The following IL1RAPL2 variants were observed in gnomAD, a reference collection of about 807,000 sequenced individuals.
The protein encoded by IL1RAPL2 is X-linked interleukin-1 receptor accessory protein-like 2.
Under a neutral mutation model 44.1 loss-of-function variants are expected in IL1RAPL2, and 3 were observed. That is an observed-to-expected ratio of 0.07 (90% confidence interval 0.03 to 0.18). The LOEUF is 0.18. Among genes scored for constraint, IL1RAPL2 ranks in the 10% least tolerant of loss-of-function variants. IL1RAPL2 has a pLI of 1.00. For synonymous variants in IL1RAPL2, 181 were observed against 178.8 expected, an observed-to-expected ratio of 1.01 and a Z score of -0.10; for missense variants, 391 against 496.4, an observed-to-expected ratio of 0.79 and a Z score of 2.02.
At chrX:105,393,179 C>CTAGGGAATGGGTGCTGCTGATTGG (rs1375868123) in intron 5 of IL1RAPL2, among the ~76,000 whole-genome samples, 1 of 110,310 alleles carries the variant, frequency 9.1e-6, no homozygotes, top group Admixed American at 9.7e-5. Flanking sequence ...GGGCAGGGAG[C>CTAGGGAATGGGTGCTGCTGATTGG]TAGGGAATGG....
chrX:104,834,689 G>A (rs1414702825), intron 2 of IL1RAPL2, among the ~76,000 whole-genome samples: 1 of 111,693 alleles, frequency 9.0e-6, no homozygotes, highest in African/African-American at 3.2e-5. Flanking sequence ...ATTGATTATT[G>A]ATTTCCATTT....
chrX:104,950,321 C>T (rs890636196), intron 2 of IL1RAPL2, among the ~76,000 whole-genome samples: 3 of 112,329 alleles, frequency 2.7e-5, no homozygotes, highest in Non-Finnish European at 3.8e-5. Context: ...GCAGTCTGCC[C>T]GTTCTCAGAT....
intron 2 of IL1RAPL2, among the ~76,000 whole-genome samples, chrX:105,030,015 T>C (rs2031457129): frequency 8.9e-6 from 1 of 112,373 alleles, no homozygotes; most frequent in Admixed American, 9.4e-5. Flanking sequence ...ATGATGAGCA[T>C]TTTTTCATGT....
intron 4 of IL1RAPL2, among the ~76,000 whole-genome samples, chrX:105,266,395 G>A (rs986805214): frequency 3.6e-5 from 4 of 110,942 alleles, no homozygotes; most frequent in Admixed American, 9.6e-5. Context: ...TATCCCCTAC[G>A]CCTTGACTGA....
chrX:105,133,254 G>A (rs1483440774), intron 2 of IL1RAPL2, among the ~76,000 whole-genome samples: 1 of 111,705 alleles, frequency 9.0e-6, no homozygotes, highest in Non-Finnish European at 1.9e-5. Flanking sequence ...AGAGAGATAT[G>A]TAACATTATT....
rs138432897 is a variant in IL1RAPL2, at chrX:105,069,874, C to A, written c.83-125601C>A. On this transcript the variant is annotated intron_variant, in intron 2 of 10. Coordinates refer to ENST00000372582, the MANE Select transcript of IL1RAPL2 (RefSeq NM_017416.2). ...CCATTGAATAATTCAAGAATTCTTT[C>A]TAAGGTATAAAACAAGTCAAGATGG... Among the ~76,000 whole-genome samples, 832 of 112,169 alleles carry A rather than the reference C, an allele frequency of 7.4e-3. 13 individuals carry two copies. Among genetic ancestry groups the A allele is most frequent in the African/African-American group, 0.026 (793 of 30,898 alleles).
At chrX:105,748,703 G>A (rs1056152742) in intron 8 of IL1RAPL2, among the ~76,000 whole-genome samples, 19 of 112,073 alleles carry the variant, frequency 1.7e-4, no homozygotes, top group Admixed American at 3.8e-4. Context: ...TCTTAGATGC[G>A]TTCAAAACGA....
In IL1RAPL2 at chrX:104,635,565, C is replaced by A. The variant is rs188229124; in HGVS notation, c.-19-23330C>A. Among the ~76,000 whole-genome samples, 174 of 111,648 alleles carry A rather than the reference C, an allele frequency of 1.6e-3. 1 individual carries two copies. In the East Asian group the frequency reaches 0.038, roughly 24 times the overall value. On this transcript the variant is annotated intron_variant, in intron 1 of 10. Coordinates refer to ENST00000372582, the MANE Select transcript of IL1RAPL2 (RefSeq NM_017416.2). ...TTCTTTTTATTCTTTTTTCTCTAAA[C>A]TTCTCTTGTCACTTCATTTCATTCA...
chrX:104,990,844 G>A (rs1270269517), intron 2 of IL1RAPL2, among the ~76,000 whole-genome samples: 1 of 111,570 alleles, frequency 9.0e-6, no homozygotes, highest in Non-Finnish European at 1.9e-5. Context: ...TCCTGAAGAT[G>A]TTTAAACACT....
At chrX:104,654,985 G>T (rs1487949330) in intron 1 of IL1RAPL2, among the ~76,000 whole-genome samples, 1 of 111,087 alleles carries the variant, frequency 9.0e-6, no homozygotes, top group African/African-American at 3.3e-5. Flanking sequence ...GTCTGTTATT[G>T]GTGTATAGGA....
chrX:105,358,704 A>G (rs1232527733), intron 5 of IL1RAPL2, among the ~76,000 whole-genome samples: 1 of 83,807 alleles, frequency 1.2e-5, no homozygotes, highest in South Asian at 4.2e-4. Context: ...ACAACAAACA[A>G]AAAAAAAAAA....
Position 105,755,275 on chromosome X carries a change from C to T in IL1RAPL2, c.1291C>T (p.Leu431=), listed in dbSNP as rs749702620. ...AGAAGAGCAGTTTGCTCTTGAAGTA[C>T]TGCCAGATGTCCTGGAAAAACACTA... ...PEEEQFALEV[L]PDVLEKHYGY... is the part of the protein sequence containing the mutation. Residue 431 remains leucine, a synonymous_variant, in exon 10 of 11, where the codon CTG becomes TTG. Coordinates refer to ENST00000372582, the MANE Select transcript of IL1RAPL2 (RefSeq NM_017416.2). 8.3e-7 allele frequency: 1 copy of T among 1,200,705 alleles called. No homozygotes were observed. Among genetic ancestry groups the T allele is most frequent in the East Asian group, 3.0e-5 (1 of 33,753 alleles).
chrX:105,479,969 G>A (rs2036223786), intron 5 of IL1RAPL2, among the ~76,000 whole-genome samples: 1 of 110,852 alleles, frequency 9.0e-6, no homozygotes, highest in Non-Finnish European at 1.9e-5. Context: ...GTGCTGCTAT[G>A]CTGAATGGAT....
chrX:105,176,060 G>A (rs180827902), intron 2 of IL1RAPL2, among the ~76,000 whole-genome samples: 3 of 110,716 alleles, frequency 2.7e-5, no homozygotes, highest in Non-Finnish European at 3.8e-5. Context: ...AAAGTAAAGC[G>A]TAATAGAAAC....
intron 4 of IL1RAPL2, among the ~76,000 whole-genome samples, chrX:105,259,142 CTT>C (rs2034337590): frequency 9.0e-6 from 1 of 111,659 alleles, no homozygotes; most frequent in African/African-American, 3.3e-5. Flanking sequence ...TGTGCATGGT[CTT>C]TATTTGAAGC....
At chrX:104,850,512 TTGATC>T (rs1159535508) in intron 2 of IL1RAPL2, among the ~76,000 whole-genome samples, 1 of 111,912 alleles carries the variant, frequency 8.9e-6, no homozygotes, top group Non-Finnish European at 1.9e-5. Flanking sequence ...TTTGATCTAT[TTGATC>T]TGAGTCTTTC....
chrX:105,033,709 T>C (rs991171979), intron 2 of IL1RAPL2, among the ~76,000 whole-genome samples: 13 of 111,027 alleles, frequency 1.2e-4, no homozygotes, highest in Admixed American at 1.2e-3. Context: ...GTCTTGGAGT[T>C]GCTCTTCTCG....
At chrX:104,983,438 TAGATACATA>T (rs1569355607) in intron 2 of IL1RAPL2, among the ~76,000 whole-genome samples, 2 of 32,926 alleles carry the variant, frequency 6.1e-5, no homozygotes, top group Non-Finnish European at 1.0e-4. Flanking sequence ...TAATATATAA[TAGATACATA>T]ATATTATATA....
chrX:105,532,534 T>A (rs2036645407), intron 6 of IL1RAPL2, among the ~76,000 whole-genome samples: 1 of 111,285 alleles, frequency 9.0e-6, no homozygotes, highest in South Asian at 3.8e-4. Flanking sequence ...GATGTACAGT[T>A]AGATATATGA....
Sources: allele counts gnomAD v4.1 joint callset (sites outside exome capture counted in the v4.1 genomes callset), GRCh38; gene constraint gnomAD v4.1.1; transcripts MANE v1.5; gene names NCBI Gene and HGNC (gene_info 2026-07-23, HGNC 2026-07-21).